The following CA10 variants were observed in gnomAD, a reference collection of about 807,000 sequenced individuals.
CA10 encodes the protein carbonic anhydrase-related protein 10.
A neutral mutation model predicts 44.2 loss-of-function variants in CA10; 14 were observed. The ratio of observed to expected loss-of-function variants is 0.32; its 90% confidence interval spans 0.21 to 0.50. The LOEUF (loss-of-function observed/expected upper bound fraction) is 0.50, where lower values mean the gene tolerates loss of function less well. CA10 is among the 20% of genes least tolerant of loss of function. The probability of loss-of-function intolerance (pLI) is 0.99; values close to 1 mark genes in which losing one functional copy is unlikely to be tolerated. For synonymous variants in CA10, 159 were observed against 141.6 expected (o/e 1.12, Z -0.87); for missense variants, 350 against 409.7 (o/e 0.85, Z 1.26).
chr17:51,822,693 T>C (rs11867587), intron 3 of CA10, among the ~76,000 whole-genome samples: 1,877 of 152,306 alleles, frequency 0.012, 46 homozygotes, highest in African/African-American at 0.043. Context: ...TGTAGCATGG[T>C]GCACTAGAGA....
chr17:51,786,806 T>C (rs948739292), intron 3 of CA10, among the ~76,000 whole-genome samples: 11 of 152,168 alleles, frequency 7.2e-5, no homozygotes, highest in African/African-American at 2.7e-4. Flanking sequence ...ATACTAGATG[T>C]GGGTCTGTCA....
chr17:51,686,834 T>C (rs1915026754), intron 4 of CA10, among the ~76,000 whole-genome samples: 1 of 152,158 alleles, frequency 6.6e-6, no homozygotes, highest in Admixed American at 6.5e-5. Context: ...GTAAGCTTGA[T>C]ACTAGTTGTT....
intron 3 of CA10, among the ~76,000 whole-genome samples, chr17:51,927,131 G>A (rs1471691211): frequency 6.6e-6 from 1 of 151,966 alleles, no homozygotes; most frequent in Admixed American, 6.6e-5. Context: ...TTTATACTTA[G>A]ATCCTACTTC....
intron 4 of CA10, among the ~76,000 whole-genome samples, chr17:51,662,586 A>C (rs1436656312): frequency 6.6e-6 from 1 of 152,222 alleles, no homozygotes; most frequent in Non-Finnish European, 1.5e-5. Context: ...TTATTTATAG[A>C]AAGTCATTAA....
At chr17:52,037,289 A>G (rs1296710549) in intron 2 of CA10, among the ~76,000 whole-genome samples, 2 of 152,052 alleles carry the variant, frequency 1.3e-5, no homozygotes, top group Non-Finnish European at 2.9e-5. Flanking sequence ...CAGCATTGAG[A>G]AGTAGAAAAG....
intron 4 of CA10, among the ~76,000 whole-genome samples, chr17:51,692,028 A>G (rs1037351424): frequency 6.6e-6 from 1 of 152,172 alleles, no homozygotes; most frequent in African/African-American, 2.4e-5. Context: ...TTCTATTTCT[A>G]TGAACAATGT....
Position 51,653,673 on chromosome 17 carries a change from T to G in CA10, c.529A>C (p.Asn177His). 6.2e-7 allele frequency: 1 copy of G among 1,608,048 alleles called. No homozygotes were observed. Among genetic ancestry groups the G allele is most frequent in the Non-Finnish European group, 8.5e-7 (1 of 1,174,512 alleles). ...TNVTEAAKSP[N>H]GLVVVSIFIK... ...AATATAGAAACTACCACCAATCCAT[T>G]TGGACTCTTTGCAGCTTCTGTGACA... is the stretch of plus-strand genomic sequence containing the variant. The change falls in exon 5 of 9, where the codon AAT becomes CAT. Residue 177 changes from asparagine (N) to histidine (H), a missense_variant. Physicochemically the swap from Asn to His is moderately conservative, Grantham distance 68. Coordinates refer to ENST00000451037, the MANE Select transcript of CA10 (RefSeq NM_020178.5).
chr17:51,855,152 A>G (rs1377698069), intron 3 of CA10, among the ~76,000 whole-genome samples: 1 of 152,130 alleles, frequency 6.6e-6, no homozygotes, highest in Non-Finnish European at 1.5e-5. Context: ...AAATTACTTT[A>G]CTTTGGTTTT....
chr17:51,710,017 G>A (rs750737603), intron 4 of CA10, among the ~76,000 whole-genome samples: 1 of 152,126 alleles, frequency 6.6e-6, no homozygotes, highest in African/African-American at 2.4e-5. Flanking sequence ...TGTTTTCCTG[G>A]GGTGATCCAT....
intron 3 of CA10, among the ~76,000 whole-genome samples, chr17:51,780,302 G>A (rs1906006742): frequency 6.6e-6 from 1 of 152,208 alleles, no homozygotes; most frequent in Non-Finnish European, 1.5e-5. Context: ...CTTTCATGGT[G>A]CAGAGGAAGG....
rs555992173 is a variant in CA10 at position 51,687,077 on chromosome 17, G to A, written c.466-33341C>T. Among the ~76,000 whole-genome samples the A allele has an allele frequency of 5.3e-5, 8 of 152,216 alleles. No homozygotes were observed. The South Asian group carries it at 1.2e-3, about 24-fold the overall frequency. ...CCTCCAGTGGCTTCTATCCCATGTC[G>A]TATAAAATCCAAGCTCATTGTCCTG... On this transcript the variant is annotated intron_variant, in intron 4 of 8. Transcript: ENST00000451037.
intron 6 of CA10, among the ~76,000 whole-genome samples, chr17:51,648,089 T>C (rs746115896): frequency 1.3e-5 from 2 of 152,158 alleles, no homozygotes; most frequent in Non-Finnish European, 2.9e-5. Flanking sequence ...ATGCAGGAAA[T>C]GTTTGTCGAA....
chr17:51,663,349 G>A (rs1022798636), intron 4 of CA10, among the ~76,000 whole-genome samples: 5 of 152,148 alleles, frequency 3.3e-5, no homozygotes, highest in Admixed American at 2.6e-4. Context: ...CCTCCCAGAA[G>A]TGACTTGTAG....
intron 6 of CA10, among the ~76,000 whole-genome samples, chr17:51,645,051 C>T (rs1913265182): frequency 6.6e-6 from 1 of 152,132 alleles, no homozygotes; most frequent in African/African-American, 2.4e-5. Context: ...CTGCCTCGGC[C>T]TCCCAAAGTG....
chr17:51,641,166 C>T (rs1198342124), intron 6 of CA10, among the ~76,000 whole-genome samples: 1 of 24,260 alleles, frequency 4.1e-5, no homozygotes, highest in Admixed American at 4.9e-4. Context: ...CTCTCTCTCT[C>T]CTCTCTCTCT....
At chr17:51,886,507 G>A (rs1487053007) in intron 3 of CA10, among the ~76,000 whole-genome samples, 2 of 152,138 alleles carry the variant, frequency 1.3e-5, no homozygotes, top group Non-Finnish European at 2.9e-5. Context: ...AGGAAAATAT[G>A]AGAATACTAA....
chr17:51,897,763 T>C (rs1355740263), intron 3 of CA10, among the ~76,000 whole-genome samples: 1 of 152,158 alleles, frequency 6.6e-6, no homozygotes, highest in Non-Finnish European at 1.5e-5. Context: ...GTAATTCTCA[T>C]TGTAGAGATC....
rs140798656 is a variant in CA10, at chr17:51,685,414, G to A, written c.466-31678C>T. Among the ~76,000 whole-genome samples, 294 of 152,238 alleles carry A rather than the reference G, an allele frequency of 1.9e-3. 1 individual carries two copies. Among genetic ancestry groups the A allele is most frequent in the African/African-American group, 6.9e-3 (288 of 41,544 alleles). Reference sequence around the variant, plus strand: ...AAAACAAACCCATCTCCAGCCCCTTGTGTCTCCTCCTACCTCTGCAAAGCT... The same window carrying A: ...AAAACAAACCCATCTCCAGCCCCTTATGTCTCCTCCTACCTCTGCAAAGCT... On this transcript the variant is annotated intron_variant, in intron 4 of 8. Coordinates refer to ENST00000451037, the MANE Select transcript of CA10 (RefSeq NM_020178.5).
At chr17:51,881,207 T>A (rs1221424601) in intron 3 of CA10, among the ~76,000 whole-genome samples, 1 of 130,704 alleles carries the variant, frequency 7.7e-6, no homozygotes. Context: ...GCCACTGCAC[T>A]CCAGCCTGGG....
Sources: gnomAD v4.1 joint callset for allele counts (sites outside exome capture counted in the v4.1 genomes callset) on GRCh38, gnomAD v4.1.1 for gene constraint, MANE v1.5 for transcripts, NCBI Gene and HGNC (gene_info 2026-07-23, HGNC 2026-07-21) for gene names.